RSRC1: variants seen among roughly 807,000 people sequenced by gnomAD.
The protein encoded by RSRC1 is arginine and serine rich coiled-coil 1, also known as serine/Arginine-related protein 53.
RSRC1 carries 39 observed loss-of-function variants against 49.1 expected under a neutral mutation model. The observed-to-expected ratio is 0.79, with a 90% CI of 0.61 to 1.04. The LOEUF (loss-of-function observed/expected upper bound fraction) is 1.04, where lower values mean the gene tolerates loss of function less well. Among genes scored for constraint, RSRC1 ranks in the 50% least tolerant of loss-of-function variants. The probability of loss-of-function intolerance (pLI) is 0.00; values close to 1 mark genes in which losing one functional copy is unlikely to be tolerated. For missense variants in RSRC1, 388 were observed against 402.4 expected, an observed-to-expected ratio of 0.96 and a Z score of 0.31; for synonymous variants, 143 against 130.8, an observed-to-expected ratio of 1.09 and a Z score of -0.63.
chr3:158,169,517 C>G (rs1048596167), intron 3 of RSRC1, among the ~76,000 whole-genome samples: 2 of 152,106 alleles, frequency 1.3e-5, no homozygotes, highest in African/African-American at 2.4e-5. Context: ...TTTCTACTTT[C>G]CAAATTTATG....
At chr3:158,331,208 A>G (rs192672062) in intron 5 of RSRC1, among the ~76,000 whole-genome samples, 8 of 152,372 alleles carry the variant, frequency 5.3e-5, no homozygotes, top group Admixed American at 4.6e-4. Flanking sequence ...AACCATATCA[A>G]CATCATTGGC....
chr3:158,438,497 G>A (rs146368496), intron 6 of RSRC1, among the ~76,000 whole-genome samples: 1 of 151,968 alleles, frequency 6.6e-6, no homozygotes, highest in African/African-American at 2.4e-5. Flanking sequence ...CAGAACAGAG[G>A]CCACAGAAAT....
chr3:158,189,168 A>G (rs827156), intron 3 of RSRC1, among the ~76,000 whole-genome samples: 87,838 of 151,636 alleles, frequency 0.58, 25,748 homozygotes, highest in East Asian at 0.73. Context: ...TAATTGCACT[A>G]TAGTTAGAAA....
chr3:158,159,779 C>T (rs546434870), intron 3 of RSRC1, among the ~76,000 whole-genome samples: 1 of 152,212 alleles, frequency 6.6e-6, no homozygotes, highest in East Asian at 1.9e-4. Flanking sequence ...AGCCTCACCT[C>T]AGTCTATTAA....
At chr3:158,215,659 A>AT (rs1170982005) in intron 4 of RSRC1, among the ~76,000 whole-genome samples, 1 of 151,330 alleles carries the variant, frequency 6.6e-6, no homozygotes, top group Non-Finnish European at 1.5e-5. Flanking sequence ...CTGTATATAG[A>AT]TTTTTTTAGT....
At chr3:158,395,752 G>T (rs1318494053) in intron 6 of RSRC1, among the ~76,000 whole-genome samples, 2 of 152,174 alleles carry the variant, frequency 1.3e-5, no homozygotes, top group African/African-American at 4.8e-5. Context: ...TTCAGCCATT[G>T]TGAAAAGCAG....
chr3:158,386,172 A>G (rs1732955886), intron 6 of RSRC1, among the ~76,000 whole-genome samples: 1 of 152,050 alleles, frequency 6.6e-6, no homozygotes, highest in Non-Finnish European at 1.5e-5. Flanking sequence ...CTTTAAAAAA[A>G]GGCATTTTTT....
At chr3:158,369,004 A>G (rs917093447) in intron 6 of RSRC1, among the ~76,000 whole-genome samples, 1 of 152,106 alleles carries the variant, frequency 6.6e-6, no homozygotes, top group African/African-American at 2.4e-5. Flanking sequence ...TTAAGTAAAA[A>G]TTCTAGTTTA....
chr3:158,358,758 A>G (rs1241452131), intron 6 of RSRC1, among the ~76,000 whole-genome samples: 2 of 152,060 alleles, frequency 1.3e-5, no homozygotes, highest in Admixed American at 6.5e-5. Context: ...GTTTCTCCCC[A>G]GTTTCCTTTC....
intron 5 of RSRC1, among the ~76,000 whole-genome samples, chr3:158,315,405 G>T (rs1430808651): frequency 8.5e-5 from 13 of 152,088 alleles, no homozygotes; most frequent in Admixed American, 8.5e-4. Context: ...AATTATGGTG[G>T]AATTTTTGGT....
intron 3 of RSRC1, among the ~76,000 whole-genome samples, chr3:158,140,121 A>G (rs1164574857): frequency 6.6e-6 from 1 of 152,146 alleles, no homozygotes; most frequent in Non-Finnish European, 1.5e-5. Context: ...TCTTCTCCAA[A>G]CTTGAGATTT....
At chr3:158,266,241 T>G (rs1725168126) in intron 4 of RSRC1, among the ~76,000 whole-genome samples, 1 of 152,156 alleles carries the variant, frequency 6.6e-6, no homozygotes, top group South Asian at 2.1e-4. Context: ...TTTTTTCCCT[T>G]ACTCTCTACT....
intron 3 of RSRC1, among the ~76,000 whole-genome samples, chr3:158,167,672 T>C (rs1229084174): frequency 2.0e-5 from 3 of 152,154 alleles, no homozygotes; most frequent in Non-Finnish European, 4.4e-5. Flanking sequence ...TCTAGAAAAA[T>C]GGGGCAGTAT....
At chr3:158,476,025 T>C (rs923550529) in intron 7 of RSRC1, among the ~76,000 whole-genome samples, 12 of 152,230 alleles carry the variant, frequency 7.9e-5, no homozygotes, top group African/African-American at 2.9e-4. Flanking sequence ...ATATGAATGA[T>C]AAGAAAACAA....
chr3:158,326,578 G>A (rs1578340708), intron 5 of RSRC1, among the ~76,000 whole-genome samples: 1 of 152,260 alleles, frequency 6.6e-6, no homozygotes, highest in African/African-American at 2.4e-5. Context: ...TAGGGATGAA[G>A]CCAACTAGAT....
intron 5 of RSRC1, among the ~76,000 whole-genome samples, chr3:158,325,380 T>C (rs1330441603): frequency 6.6e-6 from 1 of 152,246 alleles, no homozygotes; most frequent in Non-Finnish European, 1.5e-5. Flanking sequence ...TTTAAGTCTT[T>C]AATCCATCTT....
At chr3:158,116,569 A>T (rs758179273) in intron 1 of RSRC1, among the ~76,000 whole-genome samples, 2 of 152,036 alleles carry the variant, frequency 1.3e-5, no homozygotes, top group African/African-American at 2.4e-5. Flanking sequence ...GCAGTGAGGG[A>T]TACAGTGACT....
chr3:158,246,804 G>A (rs1177161522), intron 4 of RSRC1, among the ~76,000 whole-genome samples: 1 of 152,106 alleles, frequency 6.6e-6, no homozygotes, highest in African/African-American at 2.4e-5. Context: ...CTCTCTGGCT[G>A]CCCTTAACAT....
At chr3:158,380,496 A>T (rs1732644639) in intron 6 of RSRC1, among the ~76,000 whole-genome samples, 1 of 152,198 alleles carries the variant, frequency 6.6e-6, no homozygotes. Flanking sequence ...AAAAATAAAG[A>T]TAATAATGTT....
Sources: allele counts gnomAD v4.1 joint callset (sites outside exome capture counted in the v4.1 genomes callset), GRCh38; gene constraint gnomAD v4.1.1; transcripts MANE v1.5; gene names NCBI Gene and HGNC (gene_info 2026-07-23, HGNC 2026-07-21).